The following ELOVL4 variants were observed in gnomAD, a reference collection of about 807,000 sequenced individuals.
ELOVL4 encodes the protein very long chain fatty acid elongase 4.
In ELOVL4, 18 loss-of-function variants were observed where a neutral mutation model predicts 42.1. That is an observed-to-expected ratio of 0.43 (90% CI 0.30 to 0.63). The LOEUF is 0.63. Among genes scored for constraint, ELOVL4 ranks in the 30% least tolerant of loss-of-function variants. The probability of loss-of-function intolerance (pLI) is 0.15; values close to 1 mark genes in which losing one functional copy is unlikely to be tolerated. For synonymous variants in ELOVL4, 117 were observed against 127.0 expected, an observed-to-expected ratio of 0.92 and a Z score of 0.53; for missense variants, 299 against 376.2, an observed-to-expected ratio of 0.79 and a Z score of 1.70.
At chr6:79,929,096 A>G (rs1217439527) in intron 1 of ELOVL4, among the ~76,000 whole-genome samples, 1 of 144,208 alleles carries the variant, frequency 6.9e-6, no homozygotes, top group East Asian at 2.1e-4. Context: ...CATCTGTAAA[A>G]CTGGATGGGA....
intron 5 of ELOVL4, among the ~76,000 whole-genome samples, chr6:79,917,481 T>G (rs2127697703): frequency 6.6e-6 from 1 of 152,298 alleles, no homozygotes; most frequent in East Asian, 1.9e-4. Flanking sequence ...TTACAGATAG[T>G]AGGCAGGTAA....
At position 79,921,564 on chromosome 6, in the gene ELOVL4, G is replaced by A. The variant is rs186000642; in HGVS notation, c.541+61C>T. On this transcript the variant is annotated intron_variant, in intron 4 of 5. Coordinates refer to ENST00000369816, the MANE Select transcript of ELOVL4 (RefSeq NM_022726.4). ...CAAGTCAAAGTCCTAGGTTCTCATT[G>A]CTTTCCACTGAACACATATATGCAA... 1.2e-4 allele frequency: 172 copies of A among 1,438,836 alleles called. No homozygotes were observed. The African/African-American group carries it at 1.9e-3, about 16-fold the overall frequency. 89.1% of individuals were successfully genotyped at this position (1,438,836 alleles called of 1,614,324 possible).
chr6:79,921,657 C>CTTAATT lies in ELOVL4; in HGVS notation c.508_509insAATTAA (p.Trp170delinsTer), dbSNP rs1424255946. ...TCCTGCAACCCACTTAATTCCAATC[C>CTTAATT]ACCACAAGGTAAACATCGTACAGTG... On this transcript the variant is annotated stop_gained, in exon 4 of 6. Coordinates refer to ENST00000369816, the MANE Select transcript of ELOVL4 (RefSeq NM_022726.4). LOFTEE classifies it high-confidence loss of function. 2 of 1,613,736 alleles carry CTTAATT rather than the reference C, an allele frequency of 1.2e-6. No individual in the cohort carries two copies. The highest frequency in any genetic ancestry group is 1.7e-6 in the Non-Finnish European group (2 of 1,180,002).
intron 4 of ELOVL4, 144 bp from the exon 5 acceptor site, chr6:79,919,691 T>C (rs1051466221): frequency 1.9e-5 from 14 of 751,034 alleles, no homozygotes; most frequent in Non-Finnish European, 2.9e-5. Context: ...AAAGTAGTAC[T>C]AATGAAAAAG....
chr6:79,942,993 C>G (rs1443381236), intron 1 of ELOVL4, among the ~76,000 whole-genome samples: 1 of 151,816 alleles, frequency 6.6e-6, no homozygotes, highest in Non-Finnish European at 1.5e-5. Context: ...ATGTTAGGAG[C>G]TGGTGATGTT....
rs144822141 is a variant in ELOVL4 at position 79,916,600 on chromosome 6, A to G, written c.*8T>C. On this transcript the variant is annotated 3_prime_UTR_variant, in exon 6 of 6. Coordinates refer to ENST00000369816, the MANE Select transcript of ELOVL4 (RefSeq NM_022726.4). ...TCACTGTCAACAACAGTTAAGGCCC[A>G]GTTCAATTTAATCTCCTTTTGCTTT... 1,144 of 1,613,384 alleles carry G rather than the reference A, an allele frequency of 7.1e-4. 7 individuals are homozygous for G. The African/African-American group carries it at 0.014, about 20-fold the overall frequency.
chr6:79,930,828 T>C (rs1774430907), intron 1 of ELOVL4, among the ~76,000 whole-genome samples: 1 of 152,232 alleles, frequency 6.6e-6, no homozygotes. Context: ...TCATTTGGGC[T>C]ATGTATTGAA....
At chr6:79,921,456 T>A (rs539404317) in intron 4 of ELOVL4, among the ~76,000 whole-genome samples, 169 bp downstream of exon 4, 1 of 43,722 alleles carries the variant, frequency 2.3e-5, no homozygotes, top group Non-Finnish European at 3.9e-5. Flanking sequence ...CGAGACTCCA[T>A]CTCAAAAAAA....
chr6:79,933,591 T>C (rs899070805), intron 1 of ELOVL4, among the ~76,000 whole-genome samples: 4 of 151,958 alleles, frequency 2.6e-5, no homozygotes, highest in Non-Finnish European at 5.9e-5. Flanking sequence ...GGGAAGGGGA[T>C]ATGTCAAGAG....
Position 79,921,692 on chromosome 6 carries a change from A to T in ELOVL4, c.474T>A (p.His158Gln). 6.2e-7 allele frequency: 1 copy of T among 1,614,078 alleles called. No individual in the cohort carries two copies. Among genetic ancestry groups the T allele is most frequent in the Non-Finnish European group, 8.5e-7 (1 of 1,180,002 alleles). Residue 158 changes from histidine to glutamine, a missense_variant, in exon 4 of 6, where the codon CAT (histidine) becomes CAA (glutamine). Coordinates refer to ENST00000369816, the MANE Select transcript of ELOVL4 (RefSeq NM_022726.4). ...TAAACATCGTACAGTGATGATACACATGAAGGAAAGAAACTTGGTTGTTTT... is the reference window on the plus strand; with the variant it reads ...TAAACATCGTACAGTGATGATACACTTGAAGGAAAGAAACTTGGTTGTTTT... ...RKKNNQVSFL[H>Q]VYHHCTMFTL...
At chr6:79,944,615 A>C (rs1582057749) in intron 1 of ELOVL4, among the ~76,000 whole-genome samples, 1 of 152,296 alleles carries the variant, frequency 6.6e-6, no homozygotes, top group East Asian at 1.9e-4. Context: ...CAGTTTTCAG[A>C]CATTGCTTTG....
rs1181458333 is a variant in ELOVL4, at chr6:79,921,189, T to C, written c.541+436A>G. 2.6e-5 allele frequency among the ~76,000 whole-genome samples: 4 copies of C among 151,890 alleles called. No individual in the cohort carries two copies. The East Asian group carries it at 5.8e-4, about 22-fold the overall frequency. ...TAAAAAATGAAATGATGGCTGGGTG[T>C]GGTGGCTCATGCTTGTAATCCCAAC... On this transcript the variant is annotated intron_variant, in intron 4 of 5. Transcript: ENST00000369816.
At position 79,915,776 on chromosome 6, in the gene ELOVL4, A is replaced by T. The variant is rs1044862575; in HGVS notation, c.*832T>A. 1 of 152,478 alleles carries T rather than the reference A, an allele frequency of 6.6e-6. No individual in the cohort carries two copies. The highest frequency in any genetic ancestry group is 2.4e-5 in the African/African-American group (1 of 41,400). The allele number at this position is 152,478 out of a possible 1,614,324, so 9.4% of individuals were successfully genotyped here. The stretch of plus-strand genomic sequence containing the variant: ...AAAAATCAACATATTCTAACAGCAC[A>T]TAAATGTAACTATCTTATGATGTTA... On this transcript the variant is annotated 3_prime_UTR_variant, in exon 6 of 6. Coordinates refer to ENST00000369816, the MANE Select transcript of ELOVL4 (RefSeq NM_022726.4).
intron 1 of ELOVL4, among the ~76,000 whole-genome samples, chr6:79,933,392 A>C (rs1202050062): frequency 6.6e-6 from 1 of 152,008 alleles, no homozygotes; most frequent in Non-Finnish European, 1.5e-5. Flanking sequence ...CACAACACCC[A>C]GCTAATTTTT....
chr6:79,920,729 T>A (rs1408288498), intron 4 of ELOVL4, among the ~76,000 whole-genome samples: 1 of 152,224 alleles, frequency 6.6e-6, no homozygotes, highest in African/African-American at 2.4e-5. Flanking sequence ...CTGTGGTTGT[T>A]TGGCATCAAC....
Position 79,947,505 on chromosome 6 carries a change from G to C in ELOVL4, c.-226C>G. Reference sequence around the variant, plus strand: ...GTCAAGGTTCCCGGGAGAAAGACGAGGAGGTGGAGGAGGCCCAGCCGCCAG... The same window carrying C: ...GTCAAGGTTCCCGGGAGAAAGACGACGAGGTGGAGGAGGCCCAGCCGCCAG... On this transcript the variant is annotated 5_prime_UTR_variant, in exon 1 of 6. Transcript: ENST00000369816. The C allele has an allele frequency of 3.5e-6, 2 of 569,338 alleles. No homozygotes were observed. The highest frequency in any genetic ancestry group is 1.9e-5 in the African/African-American group (1 of 53,026). 35.3% of individuals were successfully genotyped at this position (569,338 alleles called of 1,614,324 possible). A position where few individuals can be genotyped will look rare whatever the true frequency, so the allele number is the denominator to read the frequency against.
chr6:79,945,765 C>T (rs1774730017), intron 1 of ELOVL4, among the ~76,000 whole-genome samples: 1 of 151,394 alleles, frequency 6.6e-6, no homozygotes, highest in Non-Finnish European at 1.5e-5. Context: ...TTTGCAGGTA[C>T]AGTGTAACAT....
chr6:79,924,963 G>C lies in ELOVL4; in HGVS notation c.358C>G (p.His120Asp). The change falls in exon 3 of 6, where the codon CAT becomes GAT. Residue 120 changes from histidine to aspartate, a missense_variant. Coordinates refer to ENST00000369816, the MANE Select transcript of ELOVL4 (RefSeq NM_022726.4). Reference protein sequence around the residue: ...CQSVDYSNNVHEVRIAAALWW... With the variant: ...CQSVDYSNNVDEVRIAAALWW... ...TTTAATGTACTTACCCTGACTTCATGAACATTATTAGAATAATCCACACTC... is the reference window on the plus strand; with the variant it reads ...TTTAATGTACTTACCCTGACTTCATCAACATTATTAGAATAATCCACACTC... 6.2e-7 allele frequency: 1 copy of C among 1,601,518 alleles called. No individual in the cohort carries two copies. Among genetic ancestry groups the C allele is most frequent in the South Asian group, 1.1e-5 (1 of 90,840 alleles).
intron 1 of ELOVL4, among the ~76,000 whole-genome samples, chr6:79,936,727 A>AAT (rs1379758247): frequency 3.3e-5 from 5 of 152,232 alleles, no homozygotes; most frequent in East Asian, 1.9e-4. Flanking sequence ...TGTGATGCTT[A>AAT]ATATATTCCT....
Sources: gnomAD v4.1 joint callset for allele counts (sites outside exome capture counted in the v4.1 genomes callset) on GRCh38, gnomAD v4.1.1 for gene constraint, MANE v1.5 for transcripts, NCBI Gene and HGNC (gene_info 2026-07-23, HGNC 2026-07-21) for gene names.